The following NCBP3 variants were observed in gnomAD, a reference collection of about 807,000 sequenced individuals.
NCBP3 encodes nuclear cap-binding protein subunit 3.
A neutral mutation model predicts 75.7 loss-of-function variants in NCBP3; 20 were observed. The ratio of observed to expected loss-of-function variants is 0.26; its 90% CI spans 0.19 to 0.38. NCBP3 has a LOEUF of 0.38. Among genes scored for constraint, NCBP3 ranks in the 10% least tolerant of loss-of-function variants. The pLI is 1.00. For synonymous variants in NCBP3, 293 were observed against 290.5 expected (o/e 1.01, Z -0.09); for missense variants, 678 against 796.9 (o/e 0.85, Z 1.80).
chr17:3,837,913 C>T (rs569520021), intron 3 of NCBP3, among the ~76,000 whole-genome samples: 1 of 152,110 alleles, frequency 6.6e-6, no homozygotes, highest in South Asian at 2.1e-4. Flanking sequence ...CCCCAGCTGA[C>T]ATCCCACGGC....
intron 1 of NCBP3, 90 bp from the exon 2 acceptor site, chr17:3,843,241 T>TC: frequency 4.1e-6 from 4 of 971,944 alleles, no homozygotes; most frequent in South Asian, 1.5e-5. Context: ...GGTTCTTTTT[T>TC]CCTTTTTTTT....
rs758953634 is a variant in NCBP3, at chr17:3,814,442, T to C, written c.1507A>G (p.Lys503Glu). ...RLGKRPHSPE[K>E]AFSSNPVVRR... is the part of the protein sequence containing the mutation. ...ACGACGGGGTTACTACTAAAAGCCTTTTCCGGAGAATGTGGTCTTTTTCCT... is the reference window on the plus strand; with the variant it reads ...ACGACGGGGTTACTACTAAAAGCCTCTTCCGGAGAATGTGGTCTTTTTCCT... Residue 503 changes from lysine to glutamate, a missense_variant, in exon 12 of 13, where the codon AAG (lysine) becomes GAG (glutamate). By Grantham distance (56) the Lys-to-Glu change is moderately conservative (BLOSUM62 1). Around this residue, in one of 7 missense-constraint regions of NCBP3, gnomAD observed 365 missense variants for 392.7 expected, o/e 0.93. Transcript: ENST00000389005. The C allele has an allele frequency of 1.7e-5, 28 of 1,614,106 alleles. No homozygotes were observed. The highest frequency in any genetic ancestry group is 2.7e-5 in the African/African-American group (2 of 74,936).
intron 3 of NCBP3, among the ~76,000 whole-genome samples, chr17:3,838,140 T>C (rs1327150225): frequency 2.6e-5 from 4 of 152,160 alleles, no homozygotes; most frequent in African/African-American, 9.7e-5. Flanking sequence ...TACGAGGCTT[T>C]TGCGCCCTAA....
chr17:3,843,243 C>CTTTTTT (rs5818919), intron 1 of NCBP3, 92 bp from the exon 2 acceptor site: 9 of 694,598 alleles, frequency 1.3e-5, no homozygotes, highest in African/African-American at 2.0e-5. Flanking sequence ...TTCTTTTTTC[C>CTTTTTT]TTTTTTTTTT....
intron 4 of NCBP3, among the ~76,000 whole-genome samples, chr17:3,827,670 T>C (rs1209526198): frequency 6.6e-6 from 1 of 152,206 alleles, no homozygotes; most frequent in Non-Finnish European, 1.5e-5. Flanking sequence ...CTGAGGCAAA[T>C]ATGTTCCTTC....
Position 3,828,491 on chromosome 17 carries a change from C to T in NCBP3, c.481+752G>A, listed in dbSNP as rs145847110. ...GTCTTTCAATGAAAACATCTTCCTA[C>T]GAGAGCAGCTAAGAAAACCGGCTGC... On this transcript the variant is annotated intron_variant, in intron 4 of 12. Transcript: ENST00000389005. 3.5e-3 allele frequency among the ~76,000 whole-genome samples: 527 copies of T among 152,172 alleles called. 3 individuals are homozygous for T. Among genetic ancestry groups the T allele is most frequent in the Non-Finnish European group, 5.6e-3 (382 of 67,996 alleles).
At position 3,806,757 on chromosome 17, in the gene NCBP3, T is replaced by C. The variant is rs957900689; in HGVS notation, c.*6287A>G. 1.1e-4 allele frequency: 16 copies of C among 151,204 alleles called. No homozygotes were observed. The highest frequency in any genetic ancestry group is 3.9e-4 in the African/African-American group (16 of 41,186). 9.4% of individuals were successfully genotyped at this position (151,204 alleles called of 1,614,324 possible). On this transcript the variant is annotated 3_prime_UTR_variant, in exon 13 of 13. Coordinates refer to ENST00000389005, the MANE Select transcript of NCBP3 (RefSeq NM_001114118.3). ...AAAAAAAGCTACAATATTTTTCTTC[T>C]AAGATTTATTTTATAAACATGTAAG...
chr17:3,819,100 T>C (rs2053610577), intron 9 of NCBP3, among the ~76,000 whole-genome samples: 1 of 152,124 alleles, frequency 6.6e-6, no homozygotes, highest in Non-Finnish European at 1.5e-5. Flanking sequence ...GCCCTGAGTG[T>C]CGTGCCGAAG....
chr17:3,812,860 G>A lies in NCBP3; in HGVS notation c.*184C>T. 1.4e-6 allele frequency: 2 copies of A among 1,426,676 alleles called. No homozygotes were observed. Among genetic ancestry groups the A allele is most frequent in the Non-Finnish European group, 1.8e-6 (2 of 1,094,034 alleles). The allele number at this position is 1,426,676 out of a possible 1,614,324, so 88.4% of individuals were successfully genotyped here. A position where few individuals can be genotyped will look rare whatever the true frequency, so the allele number is the denominator to read the frequency against. On this transcript the variant is annotated 3_prime_UTR_variant, in exon 13 of 13. Transcript: ENST00000389005. Reference sequence around the variant, plus strand: ...CCAGAACTACAACTCTGCAGCGAAAGATAGAGATGCCCTTGAAAATGTGTC... The same window carrying A: ...CCAGAACTACAACTCTGCAGCGAAAAATAGAGATGCCCTTGAAAATGTGTC...
intron 3 of NCBP3, among the ~76,000 whole-genome samples, chr17:3,831,209 C>T (rs1567591086): frequency 6.6e-6 from 1 of 151,872 alleles, no homozygotes; most frequent in African/African-American, 2.4e-5. Flanking sequence ...CCACACCCGG[C>T]TTTTTTTACT....
rs1326152231 is a variant in NCBP3, at chr17:3,812,524, G to A, written c.*520C>T. On this transcript the variant is annotated 3_prime_UTR_variant, in exon 13 of 13. Transcript: ENST00000389005. ...CGGCACTGGTGCACCTCTGAGGTCAGGTCCGTGAGATTCGCCCCACACTAG... is the reference window on the plus strand; with the variant it reads ...CGGCACTGGTGCACCTCTGAGGTCAAGTCCGTGAGATTCGCCCCACACTAG... The A allele has an allele frequency of 5.0e-6, 5 of 1,001,476 alleles. No homozygotes were observed. Among genetic ancestry groups the A allele is most frequent in the Non-Finnish European group, 6.0e-6 (5 of 839,430 alleles). 62.0% of individuals were successfully genotyped at this position (1,001,476 alleles called of 1,614,324 possible).
rs2053362994 is a variant in NCBP3, at chr17:3,808,718, A to C, written c.*4326T>G. ...TGAGCCTCATAACATGCTATCAAAA[A>C]GGGTGGAATTTATGTATGTATGTAT... On this transcript the variant is annotated 3_prime_UTR_variant, in exon 13 of 13. Coordinates refer to ENST00000389005, the MANE Select transcript of NCBP3 (RefSeq NM_001114118.3). 2 of 152,206 alleles carry C rather than the reference A, an allele frequency of 1.3e-5. No homozygotes were observed. The highest frequency in any genetic ancestry group is 1.3e-4 in the Admixed American group (2 of 15,276). The allele number at this position is 152,206 out of a possible 1,614,324, so 9.4% of individuals were successfully genotyped here. A position where few individuals can be genotyped will look rare whatever the true frequency, so the allele number is the denominator to read the frequency against.
At position 3,811,880 on chromosome 17, in the gene NCBP3, G is replaced by A. The variant is rs1406787231; in HGVS notation, c.*1164C>T. ...CTCCTAATGGTAAAATAATCTGAAA[G>A]GAGTTTAAAAATAAATGAACTAAAA... On this transcript the variant is annotated 3_prime_UTR_variant, in exon 13 of 13. Coordinates refer to ENST00000389005, the MANE Select transcript of NCBP3 (RefSeq NM_001114118.3). 1 of 152,174 alleles carries A rather than the reference G, an allele frequency of 6.6e-6. No homozygotes were observed. The highest frequency in any genetic ancestry group is 2.4e-5 in the African/African-American group (1 of 41,432). The allele number at this position is 152,174 out of a possible 1,614,324, so 9.4% of individuals were successfully genotyped here.
intron 8 of NCBP3, among the ~76,000 whole-genome samples, chr17:3,821,725 G>A (rs750345785): frequency 1.3e-5 from 2 of 152,054 alleles, no homozygotes; most frequent in Non-Finnish European, 2.9e-5. Context: ...GTCTGGGCTC[G>A]CTAATTCATT....
Position 3,814,488 on chromosome 17 carries a change from A to G in NCBP3, c.1466-5T>C. 6.2e-7 allele frequency: 1 copy of G among 1,613,800 alleles called. No individual in the cohort carries two copies. The highest frequency in any genetic ancestry group is 8.5e-7 in the Non-Finnish European group (1 of 1,179,944). On this transcript the variant is annotated splice_polypyrimidine_tract_variant and splice_region_variant and intron_variant, in intron 11 of 12. Coordinates refer to ENST00000389005, the MANE Select transcript of NCBP3 (RefSeq NM_001114118.3). ...TTCCTAACCGCTGGCGTATATCTGA[A>G]AAAAGAGAAAAAGTGCACCAGTGAC...
chr17:3,803,860 A>C lies in NCBP3; in HGVS notation c.*9184T>G, dbSNP rs537926813. 1 of 151,174 alleles carries C rather than the reference A, an allele frequency of 6.6e-6. No homozygotes were observed. Among genetic ancestry groups the C allele is most frequent in the Non-Finnish European group, 1.5e-5 (1 of 67,742 alleles). The allele number at this position is 151,174 out of a possible 1,614,324, so 9.4% of individuals were successfully genotyped here. On this transcript the variant is annotated 3_prime_UTR_variant, in exon 13 of 13. Transcript: ENST00000389005. ...GGAGGCCGAGGCGGGCGGATCACAA[A>C]GTCAGGAGATCGAGACCATCCTGGC...
At chr17:3,829,922 G>A (rs1449672093) in intron 3 of NCBP3, among the ~76,000 whole-genome samples, 1 of 152,194 alleles carries the variant, frequency 6.6e-6, no homozygotes, top group Admixed American at 6.5e-5. Flanking sequence ...ATAAATATAT[G>A]AGGAGATGGG....
chr17:3,845,058 G>A (rs897321141), intron 1 of NCBP3, among the ~76,000 whole-genome samples: 6 of 152,138 alleles, frequency 3.9e-5, no homozygotes, highest in South Asian at 4.1e-4. Context: ...GGGGAAAGGG[G>A]GGACCTCAAA....
rs1045459983 is a variant in NCBP3 at position 3,805,094 on chromosome 17, GT to G, written c.*7949del. ...CGATTCTCCTGCCTCAGCCTCCCGA[GT>G]AGCTGGGACTACAGGTGCCCGCCAC... On this transcript the variant is annotated 3_prime_UTR_variant, in exon 13 of 13. Transcript: ENST00000389005. 1 of 152,346 alleles carries G rather than the reference GT, an allele frequency of 6.6e-6. No individual in the cohort carries two copies. Among genetic ancestry groups the G allele is most frequent in the African/African-American group, 2.4e-5 (1 of 41,434 alleles). The allele number at this position is 152,346 out of a possible 1,614,324, so 9.4% of individuals were successfully genotyped here. A position where few individuals can be genotyped will look rare whatever the true frequency, so the allele number is the denominator to read the frequency against.
Sources: allele counts gnomAD v4.1 joint callset (sites outside exome capture counted in the v4.1 genomes callset), GRCh38; gene constraint gnomAD v4.1.1; regional missense constraint gnomAD v4.1.1; transcripts MANE v1.5; gene names NCBI Gene and HGNC (gene_info 2026-07-23, HGNC 2026-07-21).